Variants in ZNF571 observed in about 807,000 individuals in gnomAD.
The protein encoded by ZNF571 is zinc finger protein 571.
ZNF571 carries 4 observed loss-of-function variants against 7.7 expected under a neutral mutation model. That is an observed-to-expected ratio of 0.52 (90% CI 0.25 to 1.18). The LOEUF is 1.18. ZNF571 is among the 50% of genes most tolerant of loss of function. ZNF571 has a pLI of 0.14. For missense variants in ZNF571, 704 were observed against 726.9 expected (o/e 0.97, Z 0.36); for synonymous variants, 251 against 232.4 (o/e 1.08, Z -0.73).
chr19:37,568,317 A>ACCCC (rs5827983), intron 3 of ZNF571, among the ~76,000 whole-genome samples: 2 of 142,258 alleles, frequency 1.4e-5, no homozygotes, highest in African/African-American at 5.3e-5. Flanking sequence ...AAAAGCAACT[A>ACCCC]CCCCCCCCCA....
intron 1 of ZNF571, among the ~76,000 whole-genome samples, chr19:37,590,976 A>G (rs1411429872): frequency 6.6e-6 from 1 of 152,250 alleles, no homozygotes; most frequent in Non-Finnish European, 1.5e-5. Context: ...TTAATGTTTT[A>G]GCAACCAAGA....
At position 37,564,974 on chromosome 19, in the gene ZNF571, C is replaced by A; in HGVS notation, c.1454G>T (p.Arg485Leu). The A allele has an allele frequency of 6.2e-7, 1 of 1,613,520 alleles. No homozygotes were observed. Among genetic ancestry groups the A allele is most frequent in the African/African-American group, 1.3e-5 (1 of 74,916 alleles). ...TTGATGATATGTAAGTTGTGTAGCACGTACAAAGGTCTTCCCACATTCCTT... is the reference window on the plus strand; with the variant it reads ...TTGATGATATGTAAGTTGTGTAGCAAGTACAAAGGTCTTCCCACATTCCTT... ...ECKECGKTFV[R>L]ATQLTYHQRI... The change falls in exon 4 of 4, where the codon CGT becomes CTT. Residue 485 changes from arginine to leucine, a missense_variant. Arg to Leu is a moderately radical substitution (Grantham distance 102). Transcript: ENST00000451802.
chr19:37,591,605 C>T (rs1203240705), intron 1 of ZNF571, among the ~76,000 whole-genome samples: 4 of 152,158 alleles, frequency 2.6e-5, no homozygotes, highest in Admixed American at 2.0e-4. Flanking sequence ...AGTGCAATGG[C>T]GCAATCTCGG....
At chr19:37,587,051 C>T (rs1355681454) in intron 1 of ZNF571, 1 of 211,910 alleles carries the variant, frequency 4.7e-6, no homozygotes, top group Non-Finnish European at 9.3e-6. Flanking sequence ...GTACTTTGCT[C>T]CCAATCTTAG....
chr19:37,567,009 C>G (rs2042884244), intron 3 of ZNF571, among the ~76,000 whole-genome samples: 4 of 152,102 alleles, frequency 2.6e-5, no homozygotes, highest in African/African-American at 9.7e-5. Context: ...TCATAATGGC[C>G]TCCTTGGTGT....
chr19:37,573,379 C>G (rs550557645), intron 3 of ZNF571, among the ~76,000 whole-genome samples: 2 of 152,296 alleles, frequency 1.3e-5, no homozygotes, highest in South Asian at 4.1e-4. Flanking sequence ...TAGGCTTCTC[C>G]TGGCAGCAGC....
At position 37,564,544 on chromosome 19, in the gene ZNF571, A is replaced by T; in HGVS notation, c.*54T>A. 1 of 1,429,492 alleles carries T rather than the reference A, an allele frequency of 7.0e-7. No individual in the cohort carries two copies. The highest frequency in any genetic ancestry group is 2.4e-5 in the East Asian group (1 of 42,516). 88.6% of individuals were successfully genotyped at this position (1,429,492 alleles called of 1,614,324 possible). On this transcript the variant is annotated 3_prime_UTR_variant, in exon 4 of 4. Transcript: ENST00000451802. ...AGAAGCAAGATGTTCTACATTCATT[A>T]TAGATATGAAATAGATGAAGATTTT...
chr19:37,564,415 T>G lies in ZNF571; in HGVS notation c.*183A>C, dbSNP rs930697838. 17 of 440,544 alleles carry G rather than the reference T, an allele frequency of 3.9e-5. No individual in the cohort carries two copies. The highest frequency in any genetic ancestry group is 6.2e-5 in the Non-Finnish European group (16 of 256,208). 27.3% of individuals were successfully genotyped at this position (440,544 alleles called of 1,614,324 possible). On this transcript the variant is annotated 3_prime_UTR_variant, in exon 4 of 4. Transcript: ENST00000451802. Reference sequence around the variant, plus strand: ...TAATAAAGGATATAATTCAGCATTATATTCTAGCGTTTATAGAGATGTTAA... The same window carrying G: ...TAATAAAGGATATAATTCAGCATTAGATTCTAGCGTTTATAGAGATGTTAA...
intron 3 of ZNF571, among the ~76,000 whole-genome samples, chr19:37,580,790 G>A (rs1426636073): frequency 6.6e-6 from 1 of 152,188 alleles, no homozygotes; most frequent in Non-Finnish European, 1.5e-5. Context: ...AGCAGCCTGA[G>A]GTCCTCACCA....
rs117139801 is a variant in ZNF571, at chr19:37,587,219, C to G, written c.-69-474G>C. On this transcript the variant is annotated intron_variant, in intron 1 of 3. Coordinates refer to ENST00000451802, the MANE Select transcript of ZNF571 (RefSeq NM_016536.5). ...TTCTTTCTTGCCTGTTTACTCTTCC[C>G]TATAAAAGAAAATTCCTTTATGCCT... The G allele has an allele frequency of 6.7e-3, 1,028 of 152,710 alleles. 32 individuals are homozygous for G. Among genetic ancestry groups the G allele is most frequent in the East Asian group, 0.051 (264 of 5,190 alleles). The allele number at this position is 152,710 out of a possible 1,614,324, so 9.5% of individuals were successfully genotyped here. A position where few individuals can be genotyped will look rare whatever the true frequency, so the allele number is the denominator to read the frequency against.
At position 37,566,232 on chromosome 19, in the gene ZNF571, C is replaced by T; in HGVS notation, c.196G>A (p.Glu66Lys). 6.2e-7 allele frequency: 1 copy of T among 1,613,632 alleles called. No homozygotes were observed. Among genetic ancestry groups the T allele is most frequent in the Non-Finnish European group, 8.5e-7 (1 of 1,179,802 alleles). ...CCCATATTCTCCCACTGGAGTGATT[C>T]CATTTCATAAATTTCCTTTTCTGGA... ...LSPEKEIYEM[E>K]SLQWENMGKR... is the part of the protein sequence containing the mutation. Residue 66 changes from glutamate to lysine, a missense_variant, in exon 4 of 4, where the codon GAA becomes AAA. Transcript: ENST00000451802.
chr19:37,575,348 G>A (rs747686311), intron 3 of ZNF571: 1 of 152,094 alleles, frequency 6.6e-6, no homozygotes. Context: ...ATTACAAACA[G>A]TGCTTAACCC....
At chr19:37,586,890 A>C in intron 1 of ZNF571, 145 bp from the exon 2 acceptor site, 1 of 597,236 alleles carries the variant, frequency 1.7e-6, no homozygotes, top group South Asian at 2.1e-5. Flanking sequence ...CAGCTACTGC[A>C]GAAGGGGTTC....
chr19:37,565,603 A>T lies in ZNF571; in HGVS notation c.825T>A (p.Gly275=), dbSNP rs2042826857. ...AATCCTTACATTCATAGGGTTTTTC[A>T]CCACTATGAATTCTCTGATGAAGAG... is the stretch of plus-strand genomic sequence containing the variant. ...QYTLHQRIHS[G]EKPYECKDCG... The change falls in exon 4 of 4, where the codon GGT becomes GGA. Residue 275 remains glycine, a synonymous_variant. Transcript: ENST00000451802. 6.2e-7 allele frequency: 1 copy of T among 1,612,950 alleles called. No homozygotes were observed. Among genetic ancestry groups the T allele is most frequent in the South Asian group, 1.1e-5 (1 of 90,976 alleles).
intron 3 of ZNF571, among the ~76,000 whole-genome samples, chr19:37,571,020 G>A (rs2043030646): frequency 6.6e-6 from 1 of 152,026 alleles, no homozygotes; most frequent in Non-Finnish European, 1.5e-5. Flanking sequence ...TCACTATGAG[G>A]AATAATTATA....
intron 1 of ZNF571, among the ~76,000 whole-genome samples, chr19:37,589,764 G>T (rs894695325): frequency 1.3e-5 from 2 of 148,174 alleles, no homozygotes; most frequent in African/African-American, 5.0e-5. Context: ...TACTTGGGAG[G>T]CTGAGGCAAA....
chr19:37,574,289 GC>G (rs2043170205), intron 3 of ZNF571, among the ~76,000 whole-genome samples: 1 of 152,220 alleles, frequency 6.6e-6, no homozygotes, highest in East Asian at 1.9e-4. Context: ...CTCCCTAAGA[GC>G]TGTCTATAGT....
At position 37,564,422 on chromosome 19, in the gene ZNF571, G is replaced by A. The variant is rs1469899604; in HGVS notation, c.*176C>T. On this transcript the variant is annotated 3_prime_UTR_variant, in exon 4 of 4. Coordinates refer to ENST00000451802, the MANE Select transcript of ZNF571 (RefSeq NM_016536.5). Reference sequence around the variant, plus strand: ...GGATATAATTCAGCATTATATTCTAGCGTTTATAGAGATGTTAAGGAATTA... The same window carrying A: ...GGATATAATTCAGCATTATATTCTAACGTTTATAGAGATGTTAAGGAATTA... 1 of 455,912 alleles carries A rather than the reference G, an allele frequency of 2.2e-6. No homozygotes were observed. Among genetic ancestry groups the A allele is most frequent in the East Asian group, 3.3e-5 (1 of 30,000 alleles). The allele number at this position is 455,912 out of a possible 1,614,324, so 28.2% of individuals were successfully genotyped here.
In ZNF571 at chr19:37,566,255, G is replaced by A; in HGVS notation, c.173C>T (p.Pro58Leu). The A allele has an allele frequency of 6.2e-7, 1 of 1,612,912 alleles. No individual in the cohort carries two copies. Among genetic ancestry groups the A allele is most frequent in the Non-Finnish European group, 8.5e-7 (1 of 1,179,548 alleles). Residue 58 changes from proline to leucine, a missense_variant, in exon 4 of 4, where the codon CCA becomes CTA. By Grantham distance (98) the Pro-to-Leu change is moderately conservative. Transcript: ENST00000451802. ...TTCCATTTCATAAATTTCCTTTTCT[G>A]GAGATAACTTTTTGGTCACACAACT... ...ESSCVTKKLS[P>L]EKEIYEMESL...
Sources: gnomAD v4.1 joint callset for allele counts (sites outside exome capture counted in the v4.1 genomes callset) on GRCh38, gnomAD v4.1.1 for gene constraint, MANE v1.5 for transcripts, NCBI Gene and HGNC (gene_info 2026-07-23, HGNC 2026-07-21) for gene names.